Variants in SLIT1 observed in about 807,000 individuals in gnomAD.
The protein encoded by SLIT1 is slit homolog 1 protein.
Under a neutral mutation model 186.1 loss-of-function variants are expected in SLIT1, and 66 were observed. The ratio of observed to expected loss-of-function variants is 0.35; its 90% CI spans 0.29 to 0.44. The LOEUF is 0.44. Among genes scored for constraint, SLIT1 ranks in the 20% least tolerant of loss-of-function variants. SLIT1 has a pLI of 1.00. For missense variants in SLIT1, 1,638 were observed against 2,037.4 expected (o/e 0.80, Z 3.77); for synonymous variants, 761 against 833.8 (o/e 0.91, Z 1.50).
intron 4 of SLIT1, among the ~76,000 whole-genome samples, chr10:97,088,417 G>A (rs995101111): frequency 6.6e-6 from 1 of 152,192 alleles, no homozygotes; most frequent in Non-Finnish European, 1.5e-5. Context: ...GGTGGTGAAT[G>A]ACTGACAGCC....
intron 4 of SLIT1, among the ~76,000 whole-genome samples, chr10:97,128,369 G>A (rs950042458): frequency 1.3e-5 from 2 of 152,094 alleles, no homozygotes; most frequent in Non-Finnish European, 2.9e-5. Context: ...CTCCTGGCAC[G>A]ATGCCCCCAC....
chr10:97,095,617 T>C (rs1217006491), intron 4 of SLIT1, among the ~76,000 whole-genome samples: 1 of 152,218 alleles, frequency 6.6e-6, no homozygotes, highest in Non-Finnish European at 1.5e-5. Context: ...CCTGAAGCTA[T>C]TCCCCCTGGT....
intron 4 of SLIT1, among the ~76,000 whole-genome samples, chr10:97,067,041 G>A (rs1407256448): frequency 6.6e-6 from 1 of 152,216 alleles, no homozygotes; most frequent in Non-Finnish European, 1.5e-5. Context: ...CGGTGACCCA[G>A]TTGGCCAGTA....
intron 1 of SLIT1, among the ~76,000 whole-genome samples, chr10:97,170,053 G>A (rs143605563): frequency 6.6e-6 from 1 of 152,330 alleles, no homozygotes; most frequent in East Asian, 1.9e-4. Flanking sequence ...TGAGGGCTTT[G>A]GAGAGGACAC....
At chr10:97,013,429 C>T (rs924236954) in intron 30 of SLIT1, among the ~76,000 whole-genome samples, 1 of 152,140 alleles carries the variant, frequency 6.6e-6, no homozygotes, top group Non-Finnish European at 1.5e-5. Context: ...CATGCATTTT[C>T]TCATCTTACC....
At chr10:97,179,796 A>ACCCCCCCCCCCC (rs1411663173) in intron 1 of SLIT1, among the ~76,000 whole-genome samples, 19 of 103,088 alleles carry the variant, frequency 1.8e-4, no homozygotes, top group Admixed American at 4.2e-4. Context: ...AATTCTCCAC[A>ACCCCCCCCCCCC]CCCTCCCCGC....
At chr10:97,114,285 C>A (rs1342622901) in intron 4 of SLIT1, among the ~76,000 whole-genome samples, 1 of 152,150 alleles carries the variant, frequency 6.6e-6, no homozygotes, top group Non-Finnish European at 1.5e-5. Flanking sequence ...GGGAGGCCAG[C>A]CGGTGGAAAG....
chr10:97,164,936 G>A (rs766857893), intron 1 of SLIT1, 46 bp from the exon 2 acceptor site: 1 of 1,471,176 alleles, frequency 6.8e-7, no homozygotes, highest in East Asian at 2.3e-5. Flanking sequence ...AGCAGGGTAA[G>A]CCCCCAGGCC....
rs566830083 is a variant in SLIT1, at chr10:97,180,167, C to T, written c.197+5311G>A. On this transcript the variant is annotated intron_variant, in intron 1 of 36. Coordinates refer to ENST00000266058, the MANE Select transcript of SLIT1 (RefSeq NM_003061.3). ...GGCTGCCTGATGGCGAAGAGGAGGG[C>T]CACCCTGGGATCCAGCGTGACGCCC... 4.6e-5 allele frequency among the ~76,000 whole-genome samples: 7 copies of T among 152,366 alleles called. No homozygotes were observed. In the East Asian group the frequency reaches 1.2e-3, roughly 25 times the overall value.
chr10:97,184,641 G>A lies in SLIT1; in HGVS notation c.197+837C>T, dbSNP rs1850386564. On this transcript the variant is annotated intron_variant, in intron 1 of 36. Coordinates refer to ENST00000266058, the MANE Select transcript of SLIT1 (RefSeq NM_003061.3). The surrounding 1 kb of genome is among the most constrained non-coding windows in gnomAD (Gnocchi z 4.4). ...TGGGTCTAGAAAAGAAAAGGATCAA[G>A]TTTCCTCAAGAATTCACAAGTGAGA... 6.6e-6 allele frequency among the ~76,000 whole-genome samples: 1 copy of A among 152,118 alleles called. No individual in the cohort carries two copies. The highest frequency in any genetic ancestry group is 2.1e-4 in the South Asian group (1 of 4,830).
chr10:97,182,667 C>T (rs1850355284), intron 1 of SLIT1, among the ~76,000 whole-genome samples: 1 of 152,236 alleles, frequency 6.6e-6, no homozygotes, highest in Non-Finnish European at 1.5e-5. Context: ...AGGAAAAGTT[C>T]ACATATAGAA....
At chr10:97,123,840 A>C (rs1849581438) in intron 4 of SLIT1, among the ~76,000 whole-genome samples, 1 of 151,278 alleles carries the variant, frequency 6.6e-6, no homozygotes, top group South Asian at 2.1e-4. Context: ...GCAGTGACCC[A>C]GTCACAAGAT....
intron 4 of SLIT1, among the ~76,000 whole-genome samples, chr10:97,142,268 T>C (rs750969164): frequency 5.9e-5 from 9 of 152,138 alleles, no homozygotes; most frequent in African/African-American, 2.2e-4. Flanking sequence ...AATGTGGTAC[T>C]GGCATAAAGA....
At chr10:97,129,971 A>G (rs1020421531) in intron 4 of SLIT1, among the ~76,000 whole-genome samples, 9 of 152,070 alleles carry the variant, frequency 5.9e-5, no homozygotes, top group African/African-American at 1.7e-4. Context: ...AGGCCCTGGC[A>G]TTGCTCCTAG....
At chr10:97,007,089 G>A (rs769518710) in intron 31 of SLIT1, among the ~76,000 whole-genome samples, 1 of 152,160 alleles carries the variant, frequency 6.6e-6, no homozygotes, top group African/African-American at 2.4e-5. Flanking sequence ...CATAAAGAGG[G>A]AAGAGTCAAG....
At chr10:97,140,229 A>G (rs1199975857) in intron 4 of SLIT1, among the ~76,000 whole-genome samples, 1 of 151,920 alleles carries the variant, frequency 6.6e-6, no homozygotes, top group African/African-American at 2.4e-5. Context: ...AGCTTTTCCC[A>G]GGTTACCTCC....
chr10:97,127,130 A>AC (rs1298560168), intron 4 of SLIT1, among the ~76,000 whole-genome samples: 1 of 151,432 alleles, frequency 6.6e-6, no homozygotes, highest in Non-Finnish European at 1.5e-5. Context: ...CTCTACTAAA[A>AC]AAAAAACAAA....
rs775029870 is a variant in SLIT1 at position 97,166,569 on chromosome 10, G to A, written c.198-1679C>T. 2.4e-3 allele frequency among the ~76,000 whole-genome samples: 144 copies of A among 58,898 alleles called. 1 individual carries two copies. Among genetic ancestry groups the A allele is most frequent in the Non-Finnish European group, 3.0e-3 (87 of 29,462 alleles). The allele number at this position is 58,898 out of a possible 152,430, so 38.6% of individuals were successfully genotyped here. Reference sequence around the variant, plus strand: ...AAGGAAGGAAGGAAAGAGAGAGAGAGAGAAAGAAAGAAAGAAAGAAAGAAA... The same window carrying A: ...AAGGAAGGAAGGAAAGAGAGAGAGAAAGAAAGAAAGAAAGAAAGAAAGAAA... On this transcript the variant is annotated intron_variant, in intron 1 of 36. Transcript: ENST00000266058.
chr10:97,016,821 CTG>C (rs984374011), intron 28 of SLIT1, among the ~76,000 whole-genome samples: 50 of 152,246 alleles, frequency 3.3e-4, no homozygotes, highest in African/African-American at 1.2e-3. Context: ...TCTGGGGAGT[CTG>C]TGAGTAAAAA....
Sources: allele counts gnomAD v4.1 joint callset (sites outside exome capture counted in the v4.1 genomes callset), GRCh38; gene constraint gnomAD v4.1.1; non-coding constraint Gnocchi (gnomAD v3.1); transcripts MANE v1.5; gene names NCBI Gene and HGNC (gene_info 2026-07-23, HGNC 2026-07-21).